Variants in TNFAIP8 observed in about 807,000 individuals in gnomAD.
TNFAIP8 encodes TNF alpha induced protein 8.
Under a neutral mutation model 13.3 loss-of-function variants are expected in TNFAIP8, and 7 were observed. The ratio of observed to expected loss-of-function variants is 0.52; its 90% CI spans 0.30 to 0.99. The LOEUF (loss-of-function observed/expected upper bound fraction) is 0.99, where lower values mean the gene tolerates loss of function less well. Ranked by LOEUF, TNFAIP8 falls within the 50% of genes least tolerant of loss-of-function variation. The pLI is 0.07. For synonymous variants in TNFAIP8, 94 were observed against 87.6 expected, an observed-to-expected ratio of 1.07 and a Z score of -0.41; for missense variants, 258 against 236.9, an observed-to-expected ratio of 1.09 and a Z score of -0.58.
intron 1 of TNFAIP8, among the ~76,000 whole-genome samples, chr5:119,294,362 C>T: frequency 6.6e-6 from 1 of 152,174 alleles, no homozygotes; most frequent in East Asian, 1.9e-4. Flanking sequence ...CATGTCCCTA[C>T]AAAGAACATG....
intron 1 of TNFAIP8, among the ~76,000 whole-genome samples, chr5:119,340,017 A>AATCC (rs1398862329): frequency 1.3e-5 from 2 of 152,214 alleles, no homozygotes; most frequent in Non-Finnish European, 2.9e-5. Context: ...CTCCAGGAGG[A>AATCC]TGGCTGTCTA....
chr5:119,323,716 G>A (rs1750131257), intron 1 of TNFAIP8, among the ~76,000 whole-genome samples: 2 of 152,150 alleles, frequency 1.3e-5, no homozygotes, highest in Non-Finnish European at 2.9e-5. Context: ...GCTGAGTGCT[G>A]AGCTTAGGAG....
intron 1 of TNFAIP8, among the ~76,000 whole-genome samples, chr5:119,364,460 A>AC (rs1751754856): frequency 6.6e-6 from 1 of 151,770 alleles, no homozygotes; most frequent in Non-Finnish European, 1.5e-5. Flanking sequence ...CAATCTTCCT[A>AC]CCTTACCCTG....
chr5:119,310,725 G>A (rs528911642), intron 1 of TNFAIP8, among the ~76,000 whole-genome samples: 1 of 152,294 alleles, frequency 6.6e-6, no homozygotes, highest in South Asian at 2.1e-4. Flanking sequence ...TACTTGAGAG[G>A]CTGAGGCGGG....
chr5:119,296,385 A>G (rs1581580418), intron 1 of TNFAIP8, among the ~76,000 whole-genome samples: 4 of 151,970 alleles, frequency 2.6e-5, no homozygotes, highest in Middle Eastern at 6.8e-3. Context: ...TGAGATAATC[A>G]TGTGGTTTTT....
upstream of TNFAIP8, chr5:119,355,900 CACTCTTGCAGA>C: frequency 8.0e-7 from 1 of 1,246,772 alleles, no homozygotes; most frequent in Non-Finnish European, 1.0e-6. Flanking sequence ...CGCGATTCGT[CACTCTTGCAGA>C]ACTTTCCCCC....
intron 1 of TNFAIP8, among the ~76,000 whole-genome samples, chr5:119,331,506 C>T (rs147260038): frequency 2.0e-5 from 3 of 152,248 alleles, no homozygotes; most frequent in Non-Finnish European, 4.4e-5. Flanking sequence ...TTTTTGTTCT[C>T]CTGTTTTTGG....
upstream of TNFAIP8, chr5:119,354,502 C>G (rs992309891): frequency 6.6e-6 from 1 of 152,186 alleles, no homozygotes; most frequent in Non-Finnish European, 1.5e-5. Context: ...AGCATAAGCA[C>G]TCTTTTCTGT....
chr5:119,364,993 A>C (rs1158747676), intron 1 of TNFAIP8, among the ~76,000 whole-genome samples: 3 of 151,594 alleles, frequency 2.0e-5, no homozygotes, highest in African/African-American at 7.3e-5. Flanking sequence ...CTGGGATTAC[A>C]GGCGTTCACC....
chr5:119,349,012 G>A (rs933766498), intron 1 of TNFAIP8, among the ~76,000 whole-genome samples: 4 of 151,934 alleles, frequency 2.6e-5, no homozygotes, highest in Non-Finnish European at 5.9e-5. Context: ...AGGATGCCTT[G>A]GTCAGATGTG....
At chr5:119,351,315 G>C (rs538540377), upstream of TNFAIP8, among the ~76,000 whole-genome samples, 3 of 152,028 alleles carry the variant, frequency 2.0e-5, no homozygotes, top group East Asian at 1.9e-4. Flanking sequence ...TCATGAGCCA[G>C]TGTGCCCAGC....
chr5:119,350,952 T>TTTTG (rs369026854), intron 1 of TNFAIP8, among the ~76,000 whole-genome samples: 2 of 144,688 alleles, frequency 1.4e-5, no homozygotes, highest in Admixed American at 1.4e-4. Context: ...CTATGTGTAT[T>TTTTG]TGTGTGTGTG....
At chr5:119,391,434 C>A in intron 1 of TNFAIP8, 1 of 702,152 alleles carries the variant, frequency 1.4e-6, no homozygotes, top group Non-Finnish European at 2.6e-6. Flanking sequence ...AGTAGACACC[C>A]AAAGAACTGC....
chr5:119,336,013 A>G (rs548857661), intron 1 of TNFAIP8, among the ~76,000 whole-genome samples: 1 of 152,202 alleles, frequency 6.6e-6, no homozygotes, highest in Admixed American at 6.5e-5. Flanking sequence ...AGAACTTTCC[A>G]AACAGAGGGC....
At chr5:119,310,471 T>G (rs1221520071) in intron 1 of TNFAIP8, among the ~76,000 whole-genome samples, 1 of 152,156 alleles carries the variant, frequency 6.6e-6, no homozygotes, top group Admixed American at 6.5e-5. Context: ...AGGAAGAAGA[T>G]CTCAGAAAAC....
intron 1 of TNFAIP8, among the ~76,000 whole-genome samples, chr5:119,310,784 G>A (rs59344448): frequency 0.01 from 1,546 of 152,164 alleles, 18 homozygotes; most frequent in African/African-American, 0.035. Context: ...TGGAGATTGC[G>A]CCACTGCACT....
chr5:119,356,881 T>C (rs1751446037), intron 1 of TNFAIP8, among the ~76,000 whole-genome samples: 1 of 152,080 alleles, frequency 6.6e-6, no homozygotes, highest in Admixed American at 6.5e-5. Context: ...AAACTTTATG[T>C]ATACAAAAGT....
chr5:119,339,378 G>T (rs957277957), intron 1 of TNFAIP8, among the ~76,000 whole-genome samples: 37 of 151,838 alleles, frequency 2.4e-4, no homozygotes, highest in African/African-American at 8.7e-4. Context: ...AAATGATCAG[G>T]ATTGCTACCC....
At chr5:119,314,263 G>A (rs1442002787) in intron 1 of TNFAIP8, among the ~76,000 whole-genome samples, 1 of 152,218 alleles carries the variant, frequency 6.6e-6, no homozygotes, top group African/African-American at 2.4e-5. Context: ...ATGGGACAGG[G>A]TCTGGCCAGT....
Sources: allele counts gnomAD v4.1 joint callset (sites outside exome capture counted in the v4.1 genomes callset), GRCh38; gene constraint gnomAD v4.1.1; transcripts MANE v1.5; gene names NCBI Gene and HGNC (gene_info 2026-07-23, HGNC 2026-07-21).